Variants in BNC2 observed in about 807,000 individuals in gnomAD.
The protein encoded by BNC2 is zinc finger protein basonuclin-2.
A neutral mutation model predicts 76.3 loss-of-function variants in BNC2; 20 were observed. The ratio of observed to expected loss-of-function variants is 0.26; its 90% CI spans 0.18 to 0.38. BNC2 has a LOEUF of 0.38. Ranked by LOEUF, BNC2 falls within the 10% of genes least tolerant of loss-of-function variation. The pLI, the probability that BNC2 is intolerant of heterozygous loss-of-function variation, is 1.00. For missense variants in BNC2, 1,382 were observed against 1,399.8 expected, an observed-to-expected ratio of 0.99 and a Z score of 0.20; for synonymous variants, 582 against 514.8, an observed-to-expected ratio of 1.13 and a Z score of -1.77.
intron 5 of BNC2, among the ~76,000 whole-genome samples, chr9:16,481,297 G>A (rs192518584): frequency 1.4e-3 from 219 of 152,200 alleles, no homozygotes; most frequent in African/African-American, 5.0e-3. Flanking sequence ...CAGGCTGCCC[G>A]AGCCAGCAGT....
At chr9:16,684,967 A>T (rs1023103283) in intron 3 of BNC2, among the ~76,000 whole-genome samples, 1 of 152,038 alleles carries the variant, frequency 6.6e-6, no homozygotes, top group Non-Finnish European at 1.5e-5. Context: ...CTTCCAACGC[A>T]TGAAGACAGA....
At chr9:16,869,683 C>T (rs1272231460) in intron 1 of BNC2, among the ~76,000 whole-genome samples, 1 of 152,192 alleles carries the variant, frequency 6.6e-6, no homozygotes, top group African/African-American at 2.4e-5. Flanking sequence ...TCTAACAAAT[C>T]ACTTCCCCGA....
At chr9:16,659,478 C>T (rs769442810) in intron 3 of BNC2, among the ~76,000 whole-genome samples, 47 of 152,082 alleles carry the variant, frequency 3.1e-4, no homozygotes, top group Middle Eastern at 3.4e-3. Flanking sequence ...TGTGGTGGTG[C>T]ATGCCTGTAA....
intron 5 of BNC2, among the ~76,000 whole-genome samples, chr9:16,522,897 T>A (rs1361128761): frequency 6.6e-6 from 1 of 152,038 alleles, no homozygotes; most frequent in Non-Finnish European, 1.5e-5. Context: ...CAGAAAAGTA[T>A]AAAGTCATCT....
intron 1 of BNC2, among the ~76,000 whole-genome samples, chr9:16,740,249 G>A (rs1213004293): frequency 6.6e-6 from 1 of 152,176 alleles, no homozygotes; most frequent in Non-Finnish European, 1.5e-5. Context: ...AGCAAATACA[G>A]TAAGAGCAAA....
intron 3 of BNC2, among the ~76,000 whole-genome samples, chr9:16,726,361 T>C (rs922419936): frequency 2.6e-5 from 4 of 152,234 alleles, no homozygotes; most frequent in Non-Finnish European, 5.9e-5. Flanking sequence ...GCATTTATCC[T>C]ATTTAGAATT....
At chr9:16,596,688 A>C (rs1820092989) in intron 3 of BNC2, among the ~76,000 whole-genome samples, 3 of 152,156 alleles carry the variant, frequency 2.0e-5, no homozygotes, top group African/African-American at 7.2e-5. Flanking sequence ...TGGCTGGCCA[A>C]CGATTATACA....
chr9:16,633,957 AG>A (rs1821241384), intron 3 of BNC2, among the ~76,000 whole-genome samples: 2 of 152,190 alleles, frequency 1.3e-5, no homozygotes, highest in African/African-American at 4.8e-5. Flanking sequence ...TAGGCTATTT[AG>A]CAAAAGATAA....
chr9:16,463,876 A>G lies in BNC2; in HGVS notation c.670-26352T>C, dbSNP rs111873111. Among the ~76,000 whole-genome samples, 58 of 152,048 alleles carry G rather than the reference A, an allele frequency of 3.8e-4. 1 individual carries two copies. The highest frequency in any genetic ancestry group is 1.2e-3 in the African/African-American group (49 of 41,498). On this transcript the variant is annotated intron_variant, in intron 5 of 6. Transcript: ENST00000380672. ...TTCGGGAGGCCAAGGCAGGCAGATC[A>G]CTTGAGGTTAGGTGTTTGAGACCAC...
At chr9:16,797,681 C>T (rs1817691497) in intron 1 of BNC2, among the ~76,000 whole-genome samples, 1 of 152,068 alleles carries the variant, frequency 6.6e-6, no homozygotes, top group Admixed American at 6.6e-5. Flanking sequence ...CTGTCAATAT[C>T]TGGTATCCAG....
chr9:16,586,454 T>C (rs914621351), intron 3 of BNC2, among the ~76,000 whole-genome samples: 1 of 152,200 alleles, frequency 6.6e-6, no homozygotes, highest in Non-Finnish European at 1.5e-5. Context: ...ACTGTCTCTC[T>C]GAGAGGCAAT....
rs145836559 is a variant in BNC2, at chr9:16,680,261, A to G, written c.330+47536T>C. Among the ~76,000 whole-genome samples, 524 of 152,192 alleles carry G rather than the reference A, an allele frequency of 3.4e-3. 4 individuals are homozygous for G. Among genetic ancestry groups the G allele is most frequent in the African/African-American group, 0.012 (511 of 41,538 alleles). On this transcript the variant is annotated intron_variant, in intron 3 of 6. Coordinates refer to ENST00000380672, the MANE Select transcript of BNC2 (RefSeq NM_017637.6). ...AGCTTTGTCGTTTTCTTAATTTTTT[A>G]AAGAAAATATTGAAAAACAGGCTTC... is the stretch of plus-strand genomic sequence containing the variant.
intron 1 of BNC2, among the ~76,000 whole-genome samples, chr9:16,809,401 T>A (rs1000959371): frequency 2.0e-5 from 3 of 152,048 alleles, no homozygotes; most frequent in Non-Finnish European, 1.5e-5. Flanking sequence ...ATCCAATAAC[T>A]TCAGTGTTAG....
intron 3 of BNC2, among the ~76,000 whole-genome samples, chr9:16,678,099 G>A (rs1485981580): frequency 6.6e-6 from 1 of 151,804 alleles, no homozygotes; most frequent in East Asian, 1.9e-4. Flanking sequence ...AGAGAAAATG[G>A]AGAGAGAGGA....
intron 1 of BNC2, among the ~76,000 whole-genome samples, chr9:16,743,476 T>C (rs940785176): frequency 1.3e-5 from 2 of 152,186 alleles, no homozygotes; most frequent in African/African-American, 4.8e-5. Flanking sequence ...GACGGAGTTA[T>C]TTCTCAAACT....
intron 4 of BNC2, 45 bp downstream of exon 4, chr9:16,582,938 C>CAA: frequency 7.7e-7 from 1 of 1,294,424 alleles, no homozygotes; most frequent in Non-Finnish European, 1.1e-6. Flanking sequence ...CACACACGAA[C>CAA]ATGAACATAA....
chr9:16,454,170 C>T (rs1427084371), intron 5 of BNC2, among the ~76,000 whole-genome samples: 1 of 152,132 alleles, frequency 6.6e-6, no homozygotes. Flanking sequence ...TATTTTATAT[C>T]TATGTGCCAC....
chr9:16,810,813 T>C (rs546532464), intron 1 of BNC2, among the ~76,000 whole-genome samples: 8 of 152,348 alleles, frequency 5.3e-5, no homozygotes, highest in Non-Finnish European at 7.3e-5. Context: ...AAGGTGTTGC[T>C]AGACCCTCCA....
intron 5 of BNC2, among the ~76,000 whole-genome samples, chr9:16,472,436 T>G (rs73645984): frequency 0.02 from 3,084 of 152,296 alleles, 103 homozygotes; most frequent in African/African-American, 0.07. Context: ...CATGTTCTGG[T>G]AGCTTTACCT....
Sources: gnomAD v4.1 joint callset for allele counts (sites outside exome capture counted in the v4.1 genomes callset) on GRCh38, gnomAD v4.1.1 for gene constraint, MANE v1.5 for transcripts, NCBI Gene and HGNC (gene_info 2026-07-23, HGNC 2026-07-21) for gene names.